EPB41L5: variants seen among roughly 807,000 people sequenced by gnomAD.
EPB41L5 encodes band 4.1-like protein 5.
EPB41L5 carries 55 observed loss-of-function variants against 106.6 expected under a neutral mutation model. The ratio of observed to expected loss-of-function variants is 0.52; its 90% confidence interval spans 0.42 to 0.65. The LOEUF (loss-of-function observed/expected upper bound fraction) is 0.65. EPB41L5 is among the 30% of genes least tolerant of loss of function. The pLI, the probability that EPB41L5 is intolerant of heterozygous loss-of-function variation, is 0.00. For missense variants in EPB41L5, 871 were observed against 882.1 expected, an observed-to-expected ratio of 0.99 and a Z score of 0.16; for synonymous variants, 297 against 306.7, an observed-to-expected ratio of 0.97 and a Z score of 0.33.
At chr2:120,032,395 G>A (rs1367140552) in intron 2 of EPB41L5, among the ~76,000 whole-genome samples, 2 of 152,100 alleles carry the variant, frequency 1.3e-5, no homozygotes, top group African/African-American at 4.8e-5. Flanking sequence ...AAACAAAAAA[G>A]CTGAAATGAT....
chr2:120,015,320 CAAAA>C (rs531896856), intron 1 of EPB41L5, among the ~76,000 whole-genome samples: 1 of 124,428 alleles, frequency 8.0e-6, no homozygotes. Context: ...GAGCGAGACT[CAAAA>C]AAAAAAAAAA....
intron 3 of EPB41L5, among the ~76,000 whole-genome samples, chr2:120,067,361 C>G (rs573842257): frequency 1.9e-4 from 29 of 152,300 alleles, no homozygotes; most frequent in African/African-American, 6.3e-4. Flanking sequence ...CTCTGCCTAT[C>G]TGCGTTTCTG....
chr2:120,118,318 G>A (rs1313605550), intron 16 of EPB41L5, among the ~76,000 whole-genome samples: 6 of 152,068 alleles, frequency 3.9e-5, no homozygotes, highest in Admixed American at 2.0e-4. Context: ...TTGTACCCCC[G>A]TCTCAGACCT....
Position 120,024,708 on chromosome 2 carries a change from T to C in EPB41L5, c.180+5444T>C, listed in dbSNP as rs61285713. ...TCTCCTGACCTCATGATCCGCCCAC[T>C]TCGGCCTCCCAAAGTGCTGGAATTA... On this transcript the variant is annotated intron_variant, in intron 2 of 24. Coordinates refer to ENST00000263713, the MANE Select transcript of EPB41L5 (RefSeq NM_020909.4). Among the ~76,000 whole-genome samples the C allele has an allele frequency of 5.2e-3, 795 of 152,212 alleles. 4 individuals carry two copies. Among genetic ancestry groups the C allele is most frequent in the African/African-American group, 0.018 (765 of 41,532 alleles).
Position 120,174,873 on chromosome 2 carries a change from T to A in EPB41L5, c.2168T>A (p.Leu723Gln). 6.2e-7 allele frequency: 1 copy of A among 1,614,204 alleles called. No individual in the cohort carries two copies. ...SGPILAEEAV[L>Q]KQKCLLTTEL ...CCCATTTTGGCAGAAGAAGCTGTCC[T>A]GAAGCAGAAGTGTTTACTGACCACT... Residue 723 changes from leucine to glutamine, a missense_variant, in exon 25 of 25, where the codon CTG (leucine) becomes CAG (glutamine). By Grantham distance (113) the Leu-to-Gln change is moderately radical. Transcript: ENST00000263713.
chr2:120,168,538 A>G (rs960298350), intron 24 of EPB41L5, among the ~76,000 whole-genome samples: 1 of 152,232 alleles, frequency 6.6e-6, no homozygotes, highest in Non-Finnish European at 1.5e-5. Flanking sequence ...TTGATTTGCT[A>G]GAACCATAAC....
intron 14 of EPB41L5, among the ~76,000 whole-genome samples, chr2:120,097,890 C>A (rs1481894841): frequency 6.6e-6 from 1 of 152,142 alleles, no homozygotes; most frequent in Non-Finnish European, 1.5e-5. Context: ...CAATTAACAT[C>A]ACTTATAAAT....
At chr2:120,107,735 A>G (rs887246265) in intron 16 of EPB41L5, among the ~76,000 whole-genome samples, 2 of 152,152 alleles carry the variant, frequency 1.3e-5, no homozygotes, top group Non-Finnish European at 1.5e-5. Context: ...CTGTTCATAC[A>G]ATTTTTTACT....
intron 10 of EPB41L5, among the ~76,000 whole-genome samples, chr2:120,084,484 C>T (rs1029106165): frequency 2.2e-4 from 33 of 152,136 alleles, no homozygotes; most frequent in African/African-American, 6.3e-4. Context: ...GAGTTTCTGC[C>T]GAGAGATCTG....
chr2:120,141,649 T>C (rs1174551390), intron 18 of EPB41L5, among the ~76,000 whole-genome samples: 2 of 152,136 alleles, frequency 1.3e-5, no homozygotes, highest in African/African-American at 4.8e-5. Flanking sequence ...TATAGAAAAG[T>C]GGCAGTTTGA....
chr2:120,060,220 A>T (rs927223282), intron 3 of EPB41L5, among the ~76,000 whole-genome samples: 2 of 152,226 alleles, frequency 1.3e-5, no homozygotes, highest in African/African-American at 4.8e-5. Flanking sequence ...TTTTAAAACT[A>T]AACATATACT....
In EPB41L5 at chr2:120,167,452, T is replaced by C. The variant is rs1687466381; in HGVS notation, c.1963-14T>C. Reference sequence around the variant, plus strand: ...TTTCCAAAAAGTAAATACATACATATAAAATTATTTCAGGTGTCTTCCACA... The same window carrying C: ...TTTCCAAAAAGTAAATACATACATACAAAATTATTTCAGGTGTCTTCCACA... On this transcript the variant is annotated splice_polypyrimidine_tract_variant and intron_variant, in intron 22 of 24. Transcript: ENST00000263713. 6.2e-7 allele frequency: 1 copy of C among 1,609,106 alleles called. No individual in the cohort carries two copies. The highest frequency in any genetic ancestry group is 8.5e-7 in the Non-Finnish European group (1 of 1,175,562).
chr2:120,138,680 G>A (rs765390873), intron 18 of EPB41L5, among the ~76,000 whole-genome samples: 8 of 151,810 alleles, frequency 5.3e-5, no homozygotes, highest in East Asian at 1.9e-4. Flanking sequence ...ATGAGATATC[G>A]AAGAGGACAC....
chr2:120,106,791 T>C (rs1033512484), intron 16 of EPB41L5: 1 of 985,314 alleles, frequency 1.0e-6, no homozygotes, highest in African/African-American at 1.7e-5. Flanking sequence ...TCGTCTCTTT[T>C]TGTTGCGTTT....
chr2:120,154,124 A>T (rs1686800071), intron 20 of EPB41L5, among the ~76,000 whole-genome samples: 1 of 145,962 alleles, frequency 6.9e-6, no homozygotes, highest in African/African-American at 2.5e-5. Flanking sequence ...ATACCCCTTG[A>T]TTTCCTTTGC....
rs1014028944 is a variant in EPB41L5 at position 120,111,278 on chromosome 2, T to C, written c.1337+10464T>C. On this transcript the variant is annotated intron_variant, in intron 16 of 24. Coordinates refer to ENST00000263713, the MANE Select transcript of EPB41L5 (RefSeq NM_020909.4). ...GGGAGAAAATACTGCAGAAGTGATA[T>C]TGGGCATCCCGAATTTAATATGTTC... Among the ~76,000 whole-genome samples the C allele has an allele frequency of 2.0e-5, 3 of 152,216 alleles. 1 individual carries two copies. Among genetic ancestry groups the C allele is most frequent in the South Asian group, 4.1e-4 (2 of 4,828 alleles).
intron 4 of EPB41L5, among the ~76,000 whole-genome samples, chr2:120,073,475 C>T (rs1041792465): frequency 7.2e-5 from 11 of 152,140 alleles, no homozygotes; most frequent in African/African-American, 1.9e-4. Context: ...TGACTTTCCC[C>T]GAAATGCTTA....
At chr2:120,171,550 G>A (rs969818444) in intron 24 of EPB41L5, among the ~76,000 whole-genome samples, 3 of 152,204 alleles carry the variant, frequency 2.0e-5, no homozygotes, top group Admixed American at 2.0e-4. Flanking sequence ...ACACTGAAGG[G>A]TGAAATTTCC....
intron 1 of EPB41L5, among the ~76,000 whole-genome samples, chr2:120,017,575 C>G (rs1677609182): frequency 6.6e-6 from 1 of 152,110 alleles, no homozygotes; most frequent in Non-Finnish European, 1.5e-5. Context: ...GTTTTAAAAC[C>G]TGTTTTAACT....
Sources: allele counts gnomAD v4.1 joint callset (sites outside exome capture counted in the v4.1 genomes callset), GRCh38; gene constraint gnomAD v4.1.1; transcripts MANE v1.5; gene names NCBI Gene and HGNC (gene_info 2026-07-23, HGNC 2026-07-21).